CTDSPL: variants seen among roughly 807,000 people sequenced by gnomAD.
The protein encoded by CTDSPL is CTD small phosphatase-like protein.
CTDSPL carries 8 observed loss-of-function variants against 30.5 expected under a neutral mutation model. The observed-to-expected ratio is 0.26, with a 90% CI of 0.15 to 0.47. CTDSPL has a LOEUF of 0.47. CTDSPL is among the 20% of genes least tolerant of loss of function. The probability of loss-of-function intolerance (pLI) is 0.99; values close to 1 mark genes in which losing one functional copy is unlikely to be tolerated. For synonymous variants in CTDSPL, 110 were observed against 137.9 expected, an observed-to-expected ratio of 0.80 and a Z score of 1.42; for missense variants, 248 against 366.1, an observed-to-expected ratio of 0.68 and a Z score of 2.63.
intron 1 of CTDSPL, among the ~76,000 whole-genome samples, chr3:37,872,942 C>T (rs1055068491): frequency 1.3e-5 from 2 of 152,192 alleles, no homozygotes; most frequent in Non-Finnish European, 2.9e-5. Context: ...CTCTACTGTA[C>T]TGCAATGGGA....
intron 2 of CTDSPL, among the ~76,000 whole-genome samples, chr3:37,947,899 AAATAT>A (rs1699057747): frequency 1.3e-5 from 2 of 152,270 alleles, no homozygotes; most frequent in South Asian, 4.1e-4. Flanking sequence ...GTATCAAATA[AAATAT>A]GTCAGATTGT....
At chr3:37,942,598 G>A (rs965728933) in intron 1 of CTDSPL, among the ~76,000 whole-genome samples, 1 of 150,286 alleles carries the variant, frequency 6.7e-6, no homozygotes, top group African/African-American at 2.4e-5. Flanking sequence ...AGCCAAGACT[G>A]TACCACTGTA....
At position 37,944,111 on chromosome 3, in the gene CTDSPL, A is replaced by C. The variant is rs74700135; in HGVS notation, c.80-2946A>C. Among the ~76,000 whole-genome samples, 4 of 150,202 alleles carry C rather than the reference A, an allele frequency of 2.7e-5. No homozygotes were observed. The East Asian group carries it at 7.8e-4, about 29-fold the overall frequency. The stretch of plus-strand genomic sequence containing the variant: ...GGAGGATATGGTTTAGAAATAGCAC[A>C]AAGTTGCCAAAAGACAGTTTAACAA... On this transcript the variant is annotated intron_variant, in intron 1 of 7. Transcript: ENST00000273179.
intron 1 of CTDSPL, among the ~76,000 whole-genome samples, chr3:37,892,567 T>C (rs984939596): frequency 6.7e-5 from 9 of 134,478 alleles, no homozygotes; most frequent in African/African-American, 2.7e-4. Context: ...TATGACAAGT[T>C]TTTTTTTTTA....
rs1204394047 is a variant in CTDSPL at position 37,983,455 on chromosome 3, C to T, written c.*2588C>T. The T allele has an allele frequency of 6.6e-6, 1 of 152,504 alleles. No homozygotes were observed. Among genetic ancestry groups the T allele is most frequent in the African/African-American group, 2.4e-5 (1 of 41,384 alleles). 9.4% of individuals were successfully genotyped at this position (152,504 alleles called of 1,614,324 possible). A position where few individuals can be genotyped will look rare whatever the true frequency, so the allele number is the denominator to read the frequency against. ...TTATTACCATGTATTAAATTGTGGG[C>T]TTTGAAACCTAATGAAACCTGTTAG... is the stretch of plus-strand genomic sequence containing the variant. On this transcript the variant is annotated 3_prime_UTR_variant, in exon 8 of 8. Coordinates refer to ENST00000273179, the MANE Select transcript of CTDSPL (RefSeq NM_001008392.2).
chr3:37,905,071 C>T (rs1021258410), intron 1 of CTDSPL, among the ~76,000 whole-genome samples: 1 of 152,122 alleles, frequency 6.6e-6, no homozygotes. Flanking sequence ...GCTTCAAACA[C>T]GGGGACTCAG....
intron 4 of CTDSPL, among the ~76,000 whole-genome samples, chr3:37,967,217 A>G (rs139712669): frequency 8.5e-5 from 13 of 152,252 alleles, no homozygotes; most frequent in African/African-American, 2.9e-4. Context: ...GACTGGGGCC[A>G]TGGGCATGCA....
intron 1 of CTDSPL, among the ~76,000 whole-genome samples, chr3:37,916,702 A>G (rs1698653783): frequency 1.3e-5 from 2 of 152,178 alleles, no homozygotes. Flanking sequence ...CAGAATTGAG[A>G]GACAATAAAT....
Position 37,958,966 on chromosome 3 carries a change from A to G in CTDSPL, c.267+1823A>G, listed in dbSNP as rs1195600732. On this transcript the variant is annotated intron_variant, in intron 3 of 7. Coordinates refer to ENST00000273179, the MANE Select transcript of CTDSPL (RefSeq NM_001008392.2). ...CCCCTGCAAAATCTGCACCTACCTG[A>G]AAAGGCGCCAGGTTGCATAAGCAGC... Among the ~76,000 whole-genome samples, 5 of 152,296 alleles carry G rather than the reference A, an allele frequency of 3.3e-5. No individual in the cohort carries two copies. The South Asian group carries it at 8.3e-4, about 25-fold the overall frequency.
At chr3:37,908,027 A>G (rs1026910800) in intron 1 of CTDSPL, among the ~76,000 whole-genome samples, 1 of 152,256 alleles carries the variant, frequency 6.6e-6, no homozygotes, top group Non-Finnish European at 1.5e-5. Context: ...GAAAGCTTCT[A>G]CAGTTCAGTT....
intron 2 of CTDSPL, among the ~76,000 whole-genome samples, chr3:37,947,562 A>G (rs1281030461): frequency 1.3e-5 from 2 of 152,236 alleles, no homozygotes; most frequent in Non-Finnish European, 2.9e-5. Flanking sequence ...CTATGTCTCA[A>G]AAACAAAAAA....
At chr3:37,974,497 G>A (rs577295814) in intron 6 of CTDSPL, among the ~76,000 whole-genome samples, 1 of 152,348 alleles carries the variant, frequency 6.6e-6, no homozygotes, top group East Asian at 1.9e-4. Context: ...CTTGGTCTTG[G>A]TGCAGGGGCC....
intron 1 of CTDSPL, among the ~76,000 whole-genome samples, chr3:37,927,519 G>T (rs1177118217): frequency 6.6e-6 from 1 of 151,914 alleles, no homozygotes; most frequent in Non-Finnish European, 1.5e-5. Context: ...GATGAAGATT[G>T]CATAAGGTTG....
Position 37,964,685 on chromosome 3 carries a change from A to T in CTDSPL, c.369+13A>T, listed in dbSNP as rs1364985706. The T allele has an allele frequency of 7.5e-7, 1 of 1,335,768 alleles. No homozygotes were observed. The highest frequency in any genetic ancestry group is 1.4e-5 in the South Asian group (1 of 73,940). 82.7% of individuals were successfully genotyped at this position (1,335,768 alleles called of 1,614,324 possible). On this transcript the variant is annotated intron_variant, in intron 4 of 7. Transcript: ENST00000273179. ...CAGTTCGTTTAAGGTAAATCAACAT[A>T]AAAAAAAAATCCATGATCTTTGTGA...
rs1575309018 is a variant in CTDSPL, at chr3:37,940,222, T to C, written c.80-6835T>C. 1.3e-5 allele frequency among the ~76,000 whole-genome samples: 2 copies of C among 150,572 alleles called. 1 individual carries two copies. Among genetic ancestry groups the C allele is most frequent in the African/African-American group, 4.8e-5 (2 of 41,338 alleles). ...AGACTCATTGTATACCAGAAGTACA[T>C]ATTCAAATGTCTCTCCTGCTAGATG... On this transcript the variant is annotated intron_variant, in intron 1 of 7. Transcript: ENST00000273179.
chr3:37,862,423 A>G lies in CTDSPL; in HGVS notation c.79+145A>G. 1.8e-6 allele frequency: 1 copy of G among 561,910 alleles called. No homozygotes were observed. Among genetic ancestry groups the G allele is most frequent in the Non-Finnish European group, 2.6e-6 (1 of 377,942 alleles). The allele number at this position is 561,910 out of a possible 1,614,324, so 34.8% of individuals were successfully genotyped here. On this transcript the variant is annotated intron_variant, in intron 1 of 7. Coordinates refer to ENST00000273179, the MANE Select transcript of CTDSPL (RefSeq NM_001008392.2). This position sits in a 1 kb window ranked among gnomAD's most constrained non-coding sequence, Gnocchi z 4.3. ...TGGGTGTGGGGTGCGCCCGGAGGAG[A>G]GCGAGGCTGCCAGAGTGCGTGTGCC...
Position 37,862,205 on chromosome 3 carries a change from C to T in CTDSPL, c.6C>T (p.Asp2=), listed in dbSNP as rs1248257007. 2.9e-6 allele frequency: 4 copies of T among 1,387,140 alleles called. No homozygotes were observed. The highest frequency in any genetic ancestry group is 3.0e-5 in the South Asian group (2 of 66,232). The allele number at this position is 1,387,140 out of a possible 1,614,324, so 85.9% of individuals were successfully genotyped here. Residue 2 remains aspartate (D), a synonymous_variant, in exon 1 of 8, where the codon GAC becomes GAT. Transcript: ENST00000273179. This position sits in a 1 kb window ranked among gnomAD's most constrained non-coding sequence, Gnocchi z 4.3. M[D]GPAIITQVTN... ...GGCCGCCGCGCCGCGCACCCATGGA[C>T]GGCCCGGCCATCATCACCCAGGTGA...
intron 4 of CTDSPL, among the ~76,000 whole-genome samples, chr3:37,965,462 G>A (rs1699290028): frequency 6.6e-6 from 1 of 152,308 alleles, no homozygotes; most frequent in East Asian, 1.9e-4. Context: ...GGAAATAGGA[G>A]ATTGGTGTTT....
intron 1 of CTDSPL, among the ~76,000 whole-genome samples, chr3:37,873,158 C>T (rs1698095704): frequency 6.6e-6 from 1 of 152,156 alleles, no homozygotes; most frequent in South Asian, 2.1e-4. Flanking sequence ...CCTTTAACAC[C>T]ACTCCAGCAT....
Sources: allele counts gnomAD v4.1 joint callset (sites outside exome capture counted in the v4.1 genomes callset), GRCh38; gene constraint gnomAD v4.1.1; non-coding constraint Gnocchi (gnomAD v3.1); transcripts MANE v1.5; gene names NCBI Gene and HGNC (gene_info 2026-07-23, HGNC 2026-07-21).